Variants in DNAH6 observed in about 807,000 individuals in gnomAD.
The protein encoded by DNAH6 is axonemal beta dynein heavy chain 6.
DNAH6 carries 340 observed loss-of-function variants against 491.4 expected under a neutral mutation model. The observed-to-expected ratio is 0.69, with a 90% confidence interval of 0.63 to 0.76. The LOEUF (loss-of-function observed/expected upper bound fraction) is 0.76. Among genes scored for constraint, DNAH6 ranks in the 30% least tolerant of loss-of-function variants. DNAH6 has a pLI of 0.00. For missense variants in DNAH6, 4,443 were observed against 4,972.2 expected (o/e 0.89, Z 3.20); for synonymous variants, 1,603 against 1,686.1 (o/e 0.95, Z 1.21).
In DNAH6 at chr2:84,816,039, C is replaced by T; in HGVS notation, c.12329C>T (p.Pro4110Leu). 1.3e-6 allele frequency: 2 copies of T among 1,551,698 alleles called. No individual in the cohort carries two copies. Among genetic ancestry groups the T allele is most frequent in the Non-Finnish European group, 1.7e-6 (2 of 1,146,994 alleles). Residue 4110 changes from proline (P) to leucine (L), a missense_variant, in exon 76 of 77, where the codon CCA becomes CTA. Physicochemically the swap from Pro to Leu is moderately conservative, Grantham distance 98. Coordinates refer to ENST00000389394, the MANE Select transcript of DNAH6 (RefSeq NM_001370.2). ...CCAAGCCCAACACTTTACCACTGCC[C>T]ACTTTATAAAACAGGAGCCCGGGCA... The part of the protein sequence containing the change: ...YKPSPTLYHC[P>L]LYKTGARAGT...
intron 33 of DNAH6, among the ~76,000 whole-genome samples, chr2:84,644,123 G>A (rs72922768): frequency 0.082 from 12,533 of 152,044 alleles, 1,732 homozygotes; most frequent in African/African-American, 0.28. Context: ...TTGAATGGTA[G>A]GCTTCATAAG....
chr2:84,598,979 G>A (rs1009307698), intron 18 of DNAH6, among the ~76,000 whole-genome samples: 3 of 143,510 alleles, frequency 2.1e-5, no homozygotes, highest in African/African-American at 2.7e-5. Context: ...TCAGTGAGCC[G>A]AAATTGCGCC....
At position 84,590,327 on chromosome 2, in the gene DNAH6, C is replaced by G. The variant is rs1033350524; in HGVS notation, c.2610+1373C>G. Among the ~76,000 whole-genome samples, 4 of 151,888 alleles carry G rather than the reference C, an allele frequency of 2.6e-5. 1 individual carries two copies. Among genetic ancestry groups the G allele is most frequent in the Non-Finnish European group, 5.9e-5 (4 of 67,940 alleles). On this transcript the variant is annotated intron_variant, in intron 16 of 76. Coordinates refer to ENST00000389394, the MANE Select transcript of DNAH6 (RefSeq NM_001370.2). ...AGGCCAATATGATAAAACCCCATCT[C>G]TACTAAAAATACAAAAAATTAGCTG...
At chr2:84,698,491 C>G (rs1244463033) in intron 47 of DNAH6, among the ~76,000 whole-genome samples, 1 of 152,214 alleles carries the variant, frequency 6.6e-6, no homozygotes, top group Non-Finnish European at 1.5e-5. Flanking sequence ...GCCTCTGCCA[C>G]AACCATTCCT....
chr2:84,605,433 C>A, intron 19 of DNAH6, 67 bp from the exon 20 acceptor site: 2 of 1,016,348 alleles, frequency 2.0e-6, no homozygotes, highest in Non-Finnish European at 3.0e-6. Context: ...TATTTCATTT[C>A]ACGTGCATTT....
chr2:84,805,699 T>C lies in DNAH6; in HGVS notation c.11516T>C (p.Leu3839Pro), dbSNP rs1679349860. ...ACCAGCACTTTAATCAACACCATAC[T>C]TGAGGTTCAGCCAAGGTCATCTACT... Reference protein sequence around the residue: ...KETSTLINTILEVQPRSSTGG... With the variant: ...KETSTLINTIPEVQPRSSTGG... The change falls in exon 71 of 77, where the codon CTT becomes CCT. Residue 3839 changes from leucine (L) to proline (P), a missense_variant. By Grantham distance (98) the Leu-to-Pro change is moderately conservative (BLOSUM62 -3). Coordinates refer to ENST00000389394, the MANE Select transcript of DNAH6 (RefSeq NM_001370.2). The C allele has an allele frequency of 1.9e-6, 3 of 1,551,698 alleles. No individual in the cohort carries two copies. Among genetic ancestry groups the C allele is most frequent in the Non-Finnish European group, 2.6e-6 (3 of 1,146,964 alleles).
chr2:84,800,836 G>T (rs1001813956), intron 70 of DNAH6, among the ~76,000 whole-genome samples: 1 of 151,912 alleles, frequency 6.6e-6, no homozygotes, highest in Non-Finnish European at 1.5e-5. Flanking sequence ...GCAAAGACTT[G>T]GAACCAACCC....
intron 29 of DNAH6, 41 bp from the exon 30 acceptor site, chr2:84,634,463 A>C: frequency 6.9e-7 from 1 of 1,459,826 alleles, no homozygotes; most frequent in East Asian, 2.6e-5. Flanking sequence ...AAGGAGCTGA[A>C]CTACACAATA....
In DNAH6 at chr2:84,621,219, G is replaced by A. The variant is rs1001052527; in HGVS notation, c.3821G>A (p.Arg1274Gln). 5 of 1,551,478 alleles carry A rather than the reference G, an allele frequency of 3.2e-6. No individual in the cohort carries two copies. Among genetic ancestry groups the A allele is most frequent in the East Asian group, 2.4e-5 (1 of 40,934 alleles). The change falls in exon 25 of 77, where the codon CGA (arginine) becomes CAA (glutamine). Residue 1274 changes from arginine (R) to glutamine (Q), a missense_variant. This residue lies in a region of DNAH6 where 2,977 missense variants were observed against 3,296.6 expected (regional missense o/e 0.90). Transcript: ENST00000389394. Reference sequence around the variant, plus strand: ...AGCTTGGGGAAAGGCCTCAAGGCCCGAGGCAATGTAGAGGAATGGCTTGGT... The same window carrying A: ...AGCTTGGGGAAAGGCCTCAAGGCCCAAGGCAATGTAGAGGAATGGCTTGGT... ...RVSLGKGLKA[R>Q]GNVEEWLGKV...
chr2:84,606,187 A>G (rs540428570), intron 20 of DNAH6, among the ~76,000 whole-genome samples: 11 of 152,332 alleles, frequency 7.2e-5, no homozygotes, highest in Non-Finnish European at 1.6e-4. Context: ...ACATAGCCCA[A>G]CTTAAAAGGC....
intron 11 of DNAH6, among the ~76,000 whole-genome samples, chr2:84,571,513 C>G (rs1681867050): frequency 6.6e-6 from 1 of 152,120 alleles, no homozygotes; most frequent in Non-Finnish European, 1.5e-5. Context: ...TGAGTCTAAT[C>G]ATGAGGAAAT....
chr2:84,581,732 A>G (rs1683053780), intron 14 of DNAH6, among the ~76,000 whole-genome samples: 1 of 152,224 alleles, frequency 6.6e-6, no homozygotes, highest in Non-Finnish European at 1.5e-5. Flanking sequence ...GATGAACTCT[A>G]TGTAGCTAAA....
At position 84,552,908 on chromosome 2, in the gene DNAH6, T is replaced by A; in HGVS notation, c.1486-10T>A. 6.4e-7 allele frequency: 1 copy of A among 1,554,168 alleles called. No homozygotes were observed. Among genetic ancestry groups the A allele is most frequent in the Non-Finnish European group, 8.8e-7 (1 of 1,130,116 alleles). ...GTGTCTTTATAACACTGTACATATATTCATTTCAGGGGACCCTTATGGTGG... is the reference window on the plus strand; with the variant it reads ...GTGTCTTTATAACACTGTACATATAATCATTTCAGGGGACCCTTATGGTGG... On this transcript the variant is annotated splice_polypyrimidine_tract_variant and intron_variant, in intron 9 of 76. Coordinates refer to ENST00000389394, the MANE Select transcript of DNAH6 (RefSeq NM_001370.2).
chr2:84,689,501 C>G (rs1003923141), intron 45 of DNAH6, among the ~76,000 whole-genome samples: 2 of 152,198 alleles, frequency 1.3e-5, no homozygotes, highest in Non-Finnish European at 2.9e-5. Flanking sequence ...CTCGGCATGG[C>G]AGCATCAGGG....
rs775211513 is a variant in DNAH6, at chr2:84,573,501, T to G, written c.1838T>G (p.Ile613Ser). 1 of 1,593,016 alleles carries G rather than the reference T, an allele frequency of 6.3e-7. No individual in the cohort carries two copies. The highest frequency in any genetic ancestry group is 8.5e-7 in the Non-Finnish European group (1 of 1,173,294). ...CAGGCCGCATTTGAATCAGCCCGCATCTATGCAGCTACCTTTGAAAAGTTC... is the reference window on the plus strand; with the variant it reads ...CAGGCCGCATTTGAATCAGCCCGCAGCTATGCAGCTACCTTTGAAAAGTTC... ...TIQAAFESAR[I>S]YAATFEKFQI... The change falls in exon 12 of 77, where the codon ATC becomes AGC. Residue 613 changes from isoleucine to serine, a missense_variant. Around this residue, in one of 3 missense-constraint regions of DNAH6, gnomAD observed 2,977 missense variants for 3,296.6 expected, o/e 0.90. Coordinates refer to ENST00000389394, the MANE Select transcript of DNAH6 (RefSeq NM_001370.2).
At chr2:84,780,779 C>CTT (rs200241189) in intron 64 of DNAH6, among the ~76,000 whole-genome samples, 14 of 140,578 alleles carry the variant, frequency 1.0e-4, no homozygotes, top group African/African-American at 3.5e-4. Flanking sequence ...TTCGTTGAGG[C>CTT]TTTTTTTTTT....
At chr2:84,507,125 G>A in the DNAH6 span, among the ~76,000 whole-genome samples, 1 of 151,994 alleles carries the variant, frequency 6.6e-6, no homozygotes, top group African/African-American at 2.4e-5. Flanking sequence ...AGCTTGATGG[G>A]GATGGCATTG....
At chr2:84,603,961 T>G (rs555615584) in intron 18 of DNAH6, among the ~76,000 whole-genome samples, 11 of 152,316 alleles carry the variant, frequency 7.2e-5, no homozygotes, top group African/African-American at 2.6e-4. Context: ...GCTCAGAGGT[T>G]TTCCATTCTC....
chr2:84,606,967 C>T lies in DNAH6; in HGVS notation c.3175-9C>T. ...GTGCTGCATGTATTTTCTTCCCCTT[C>T]CTTTAAAGGTCCTTCTTGATGATAG... On this transcript the variant is annotated splice_polypyrimidine_tract_variant and intron_variant, in intron 20 of 76. Transcript: ENST00000389394. 6.5e-7 allele frequency: 1 copy of T among 1,548,500 alleles called. No homozygotes were observed. Among genetic ancestry groups the T allele is most frequent in the Non-Finnish European group, 8.7e-7 (1 of 1,144,630 alleles).
Sources: gnomAD v4.1 joint callset for allele counts (sites outside exome capture counted in the v4.1 genomes callset) on GRCh38, gnomAD v4.1.1 for gene constraint, gnomAD v4.1.1 regional missense constraint, MANE v1.5 for transcripts, NCBI Gene and HGNC (gene_info 2026-07-23, HGNC 2026-07-21) for gene names.